The following PSMF1 variants were observed in gnomAD, a reference collection of about 807,000 sequenced individuals.
PSMF1 encodes the protein proteasome inhibitor subunit 1, also known as proteasome inhibitor PI31 subunit.
In PSMF1, 30 loss-of-function variants were observed where a neutral mutation model predicts 29.3. That is an observed-to-expected ratio of 1.02 (90% CI 0.77 to 1.39). The LOEUF is 1.39. Ranked by LOEUF, PSMF1 falls within the 40% of genes most tolerant of loss-of-function variation. PSMF1 has a pLI of 0.00. For missense variants in PSMF1, 344 were observed against 357.5 expected (o/e 0.96, Z 0.31); for synonymous variants, 134 against 139.7 (o/e 0.96, Z 0.29).
chr20:1,137,380 G>A (rs2086320480), intron 4 of PSMF1, among the ~76,000 whole-genome samples: 1 of 152,188 alleles, frequency 6.6e-6, no homozygotes, highest in South Asian at 2.1e-4. Context: ...CTGGCGAGTA[G>A]CATCTGAACC....
At chr20:1,120,082 C>T (rs969704409) in intron 1 of PSMF1, among the ~76,000 whole-genome samples, 14 of 152,190 alleles carry the variant, frequency 9.2e-5, no homozygotes, top group African/African-American at 3.4e-4. Context: ...CCCCACCCCT[C>T]ACTGCTGTCC....
intron 1 of PSMF1, chr20:1,113,554 G>A (rs939568277): frequency 2.0e-5 from 3 of 152,630 alleles, no homozygotes; most frequent in African/African-American, 7.3e-5. Flanking sequence ...TTCAGGACAG[G>A]TGGAACATAG....
rs117167981 is a variant in PSMF1, at chr20:1,136,776, C to T, written c.551+1470C>T. Among the ~76,000 whole-genome samples, 459 of 152,338 alleles carry T rather than the reference C, an allele frequency of 3.0e-3. 2 individuals are homozygous for T. Among genetic ancestry groups the T allele is most frequent in the Non-Finnish European group, 5.5e-3 (375 of 68,020 alleles). ...TGTCAACAACTCAAATACCACAAAA[C>T]TCTGTTGCTGTTACTAACATGACTT... On this transcript the variant is annotated intron_variant, in intron 4 of 6. Coordinates refer to ENST00000335877, the MANE Select transcript of PSMF1 (RefSeq NM_006814.5).
At chr20:1,121,765 A>T (rs1205351925) in intron 1 of PSMF1, among the ~76,000 whole-genome samples, 1 of 152,228 alleles carries the variant, frequency 6.6e-6, no homozygotes, top group Non-Finnish European at 1.5e-5. Flanking sequence ...TTGTGTACAT[A>T]AAACTTGATT....
rs547005213 is a variant in PSMF1, at chr20:1,171,623, G to A, written c.*6543G>A. Among the ~76,000 whole-genome samples, 3 of 152,270 alleles carry A rather than the reference G, an allele frequency of 2.0e-5. No individual in the cohort carries two copies. The highest frequency in any genetic ancestry group is 4.8e-5 in the African/African-American group (2 of 41,556). ...CCCTTCTTTCCCCCTCCCAGTTCCC[G>A]CAGCTAGGCTGAGTGTTAAGAGGAA... On this transcript the variant is annotated 3_prime_UTR_variant, in exon 7 of 7. Transcript: ENST00000335877.
chr20:1,121,413 T>C (rs1016541714), intron 1 of PSMF1, among the ~76,000 whole-genome samples: 1 of 152,140 alleles, frequency 6.6e-6, no homozygotes, highest in African/African-American at 2.4e-5. Context: ...TTCTCCTTGA[T>C]TGCCATTGGG....
chr20:1,134,313 T>C (rs1478169215), intron 3 of PSMF1, among the ~76,000 whole-genome samples: 3 of 152,206 alleles, frequency 2.0e-5, no homozygotes, highest in African/African-American at 7.2e-5. Flanking sequence ...GCTATATATT[T>C]CTTTTTTGTG....
chr20:1,146,782 A>G (rs1258444055), intron 4 of PSMF1, among the ~76,000 whole-genome samples: 1 of 152,196 alleles, frequency 6.6e-6, no homozygotes, highest in African/African-American at 2.4e-5. Context: ...CAGTTTTCTG[A>G]TCTGCACCTT....
chr20:1,125,497 G>A lies in PSMF1; in HGVS notation c.130-1G>A. ...TCTCCTCTCAACTGTGGTCTTCCCA[G>A]CCGGGTCCCAATGATAAGAAGTCAG... On this transcript the variant is annotated splice_acceptor_variant, in intron 1 of 6. Transcript: ENST00000335877. LOFTEE classifies it high-confidence loss of function. 1 of 1,604,968 alleles carries A rather than the reference G, an allele frequency of 6.2e-7. No individual in the cohort carries two copies. The highest frequency in any genetic ancestry group is 8.5e-7 in the Non-Finnish European group (1 of 1,175,724).
chr20:1,151,114 G>A (rs73890705), intron 4 of PSMF1, among the ~76,000 whole-genome samples: 3,075 of 152,236 alleles, frequency 0.02, 111 homozygotes, highest in African/African-American at 0.071. Flanking sequence ...TCGCCTTGGA[G>A]TCACATAATA....
At chr20:1,118,982 C>T (rs1264050785) in intron 1 of PSMF1, 80 bp downstream of exon 1, 8 of 1,525,974 alleles carry the variant, frequency 5.2e-6, no homozygotes, top group Non-Finnish European at 7.1e-6. Context: ...TGGTCCAGAG[C>T]GCCCGATTTC....
Position 1,127,959 on chromosome 20 carries a change from C to G in PSMF1, c.365+451C>G, listed in dbSNP as rs766793845. The stretch of plus-strand genomic sequence containing the variant: ...CCCATACACCCACAGTTTACAGCTT[C>G]CCTGTGTCAATATCCCATACATAAT... On this transcript the variant is annotated intron_variant, in intron 3 of 6. Coordinates refer to ENST00000335877, the MANE Select transcript of PSMF1 (RefSeq NM_006814.5). 4.8e-4 allele frequency among the ~76,000 whole-genome samples: 73 copies of G among 152,330 alleles called. No individual in the cohort carries two copies. The Middle Eastern group carries it at 0.017, about 35-fold the overall frequency.
At position 1,167,999 on chromosome 20, in the gene PSMF1, C is replaced by G. The variant is rs2086751748; in HGVS notation, c.*2919C>G. The G allele has an allele frequency of 6.6e-6, 1 of 152,226 alleles. No homozygotes were observed. The highest frequency in any genetic ancestry group is 1.5e-5 in the Non-Finnish European group (1 of 68,034). 9.4% of individuals were successfully genotyped at this position (152,226 alleles called of 1,614,324 possible). A position where few individuals can be genotyped will look rare whatever the true frequency, so the allele number is the denominator to read the frequency against. ...CAGTTTCCCCACATCTTCACCAACTCTTGTTATTTTTCATGCTTATGGCCA... is the reference window on the plus strand; with the variant it reads ...CAGTTTCCCCACATCTTCACCAACTGTTGTTATTTTTCATGCTTATGGCCA... On this transcript the variant is annotated 3_prime_UTR_variant, in exon 7 of 7. Coordinates refer to ENST00000335877, the MANE Select transcript of PSMF1 (RefSeq NM_006814.5).
At chr20:1,133,122 A>G (rs1428015758) in intron 3 of PSMF1, among the ~76,000 whole-genome samples, 1 of 151,044 alleles carries the variant, frequency 6.6e-6, no homozygotes, top group East Asian at 1.9e-4. Flanking sequence ...ATATTATGTT[A>G]AATAAGAGTG....
chr20:1,163,138 C>T lies in PSMF1; in HGVS notation c.560C>T (p.Pro187Leu), dbSNP rs375788504. Residue 187 changes from proline (P) to leucine (L), a missense_variant, in exon 5 of 7, where the codon CCC (proline) becomes CTC (leucine). By Grantham distance (98) the Pro-to-Leu change is moderately conservative. Coordinates refer to ENST00000335877, the MANE Select transcript of PSMF1 (RefSeq NM_006814.5). This position sits in a 1 kb window ranked among gnomAD's most constrained non-coding sequence, Gnocchi z 6.1. ...TCTCTTGTTTGTTTCAGGTGTGATC[C>T]CCTGGGCCCGTTTGTTGTCGGGGGA... Reference protein sequence around the residue: ...HTSRQPPWCDPLGPFVVGGED... With the variant: ...HTSRQPPWCDLLGPFVVGGED... The T allele has an allele frequency of 6.2e-7, 1 of 1,614,090 alleles. No individual in the cohort carries two copies. Among genetic ancestry groups the T allele is most frequent in the Non-Finnish European group, 8.5e-7 (1 of 1,180,014 alleles).
rs1338755833 is a variant in PSMF1, at chr20:1,165,444, C to A, written c.*364C>A. On this transcript the variant is annotated 3_prime_UTR_variant, in exon 7 of 7. Transcript: ENST00000335877. Reference sequence around the variant, plus strand: ...GCATTTTGGATGTTATTATTAAGAACCAAATGTCAATACAGAATTCATGTT... The same window carrying A: ...GCATTTTGGATGTTATTATTAAGAAACAAATGTCAATACAGAATTCATGTT... 5 of 1,081,162 alleles carry A rather than the reference C, an allele frequency of 4.6e-6. No homozygotes were observed. The Admixed American group carries it at 2.4e-4, about 52-fold the overall frequency. The allele number at this position is 1,081,162 out of a possible 1,614,324, so 67.0% of individuals were successfully genotyped here.
chr20:1,149,774 A>T (rs1192565451), intron 4 of PSMF1, among the ~76,000 whole-genome samples: 1 of 152,122 alleles, frequency 6.6e-6, no homozygotes, highest in African/African-American at 2.4e-5. Flanking sequence ...GGTGGCCCAC[A>T]CCTGTAATCC....
At chr20:1,125,939 C>A (rs749693971) in intron 2 of PSMF1, 13 of 552,066 alleles carry the variant, frequency 2.4e-5, no homozygotes, top group Non-Finnish European at 3.8e-5. Context: ...CTTAGGTAAC[C>A]CCAATGGGCT....
At chr20:1,147,548 C>A (rs2086469573) in intron 4 of PSMF1, among the ~76,000 whole-genome samples, 2 of 152,200 alleles carry the variant, frequency 1.3e-5, no homozygotes, top group African/African-American at 4.8e-5. Flanking sequence ...TTAAGTCTTT[C>A]TGAGGCAGAT....
Sources: gnomAD v4.1 joint callset for allele counts (sites outside exome capture counted in the v4.1 genomes callset) on GRCh38, gnomAD v4.1.1 for gene constraint, Gnocchi (gnomAD v3.1) non-coding constraint, MANE v1.5 for transcripts, NCBI Gene and HGNC (gene_info 2026-07-23, HGNC 2026-07-21) for gene names.